PIEZO2: variants seen among roughly 807,000 people sequenced by gnomAD.
PIEZO2 encodes the protein piezo-type mechanosensitive ion channel component 2.
Under a neutral mutation model 337.3 loss-of-function variants are expected in PIEZO2, and 172 were observed. The observed-to-expected ratio is 0.51, with a 90% CI of 0.45 to 0.58. The LOEUF is 0.58. PIEZO2 is among the 20% of genes least tolerant of loss of function. PIEZO2 has a pLI of 0.00. For synonymous variants in PIEZO2, 1,251 were observed against 1,228.5 expected, an observed-to-expected ratio of 1.02 and a Z score of -0.38; for missense variants, 3,028 against 3,391.3, an observed-to-expected ratio of 0.89 and a Z score of 2.66.
chr18:10,804,887 C>G (rs1299683919), intron 8 of PIEZO2, among the ~76,000 whole-genome samples: 1 of 152,214 alleles, frequency 6.6e-6, no homozygotes, highest in Non-Finnish European at 1.5e-5. Flanking sequence ...CCGTCCCAGC[C>G]CATTTGAAAT....
In PIEZO2 at chr18:10,784,264, A is replaced by G. The variant is rs537434405; in HGVS notation, c.2492+520T>C. 9.8e-5 allele frequency among the ~76,000 whole-genome samples: 15 copies of G among 152,364 alleles called. No individual in the cohort carries two copies. In the South Asian group the frequency reaches 2.7e-3, roughly 27 times the overall value. On this transcript the variant is annotated intron_variant, in intron 17 of 55. Coordinates refer to ENST00000674853, the MANE Select transcript of PIEZO2 (RefSeq NM_001378183.1). The surrounding 1 kb of genome is among the most constrained non-coding windows in gnomAD (Gnocchi z 4.5). ...AAAACAGCCGTAAGCTGCTAAAAGAAGATATTGTCATCATGTTGTCCTCTT... is the reference window on the plus strand; with the variant it reads ...AAAACAGCCGTAAGCTGCTAAAAGAGGATATTGTCATCATGTTGTCCTCTT...
At chr18:10,728,101 A>T (rs1387938750) in intron 36 of PIEZO2, 1 of 152,676 alleles carries the variant, frequency 6.5e-6, no homozygotes, top group Non-Finnish European at 1.5e-5. Context: ...AAAATCGCCA[A>T]CAAAATGTGA....
chr18:10,735,371 C>A (rs1001244884), intron 34 of PIEZO2, among the ~76,000 whole-genome samples, 41 bp from the exon 35 acceptor site: 14 of 152,098 alleles, frequency 9.2e-5, no homozygotes, highest in African/African-American at 2.9e-4. Context: ...GTAGAAAAAA[C>A]CAAAAACTAG....
rs2144149568 is a variant in PIEZO2, at chr18:10,740,776, G to A, written c.4708+255C>T. ...TTCTGAGCCCATAAATTATGCCCTA[G>A]AGTCTATAAGCCACGTGTTTGGCTT... is the stretch of plus-strand genomic sequence containing the variant. On this transcript the variant is annotated intron_variant, in intron 33 of 55. Transcript: ENST00000674853. The A allele has an allele frequency of 1.1e-5, 7 of 622,270 alleles. No homozygotes were observed. In the East Asian group the frequency reaches 2.0e-4, roughly 17 times the overall value. The allele number at this position is 622,270 out of a possible 1,614,324, so 38.5% of individuals were successfully genotyped here.
intron 4 of PIEZO2, among the ~76,000 whole-genome samples, chr18:10,884,236 C>T (rs1359404049): frequency 1.3e-5 from 2 of 152,220 alleles, no homozygotes; most frequent in South Asian, 2.1e-4. Context: ...AGAGGATTTC[C>T]TTCCTTTTAT....
rs573951104 is a variant in PIEZO2, at chr18:10,867,656, T to C, written c.492+3597A>G. The stretch of plus-strand genomic sequence containing the variant: ...GGCTTAATAATACATTAAAATACTA[T>C]CTAAAAGAAAGGCCTCAAATCTCAT... On this transcript the variant is annotated intron_variant, in intron 5 of 55. Transcript: ENST00000674853. 2.9e-4 allele frequency among the ~76,000 whole-genome samples: 44 copies of C among 152,062 alleles called. 1 individual carries two copies. The highest frequency in any genetic ancestry group is 9.9e-4 in the African/African-American group (41 of 41,338).
chr18:11,023,712 G>A (rs996763536), intron 2 of PIEZO2, among the ~76,000 whole-genome samples: 8 of 152,198 alleles, frequency 5.3e-5, no homozygotes, highest in Admixed American at 1.3e-4. Flanking sequence ...GCGCTCGTCC[G>A]GGAGGCTAGG....
At chr18:10,704,797 G>T in intron 41 of PIEZO2, 145 bp from the exon 42 acceptor site, 1 of 984,196 alleles carries the variant, frequency 1.0e-6, no homozygotes, top group Non-Finnish European at 1.5e-6. Flanking sequence ...CCATTCTCCT[G>T]CTTCAGCCTC....
intron 4 of PIEZO2, among the ~76,000 whole-genome samples, chr18:10,901,261 T>C (rs936927923): frequency 6.6e-6 from 1 of 152,184 alleles, no homozygotes; most frequent in Non-Finnish European, 1.5e-5. Context: ...TAGGATAGAA[T>C]TGCTGCAAAT....
rs1318772920 is a variant in PIEZO2, at chr18:10,834,773, C to T, written c.917+20580G>A. ...AAAGGCAGGGTGCCTAGAACACCAG[C>T]CTCAGAAAGGCTCTTCCTTTAAGTT... On this transcript the variant is annotated intron_variant, in intron 7 of 55. Coordinates refer to ENST00000674853, the MANE Select transcript of PIEZO2 (RefSeq NM_001378183.1). The surrounding 1 kb of genome is among the most constrained non-coding windows in gnomAD (Gnocchi z 4.5). 6.6e-6 allele frequency among the ~76,000 whole-genome samples: 1 copy of T among 152,208 alleles called. No homozygotes were observed. The highest frequency in any genetic ancestry group is 1.9e-4 in the East Asian group (1 of 5,188).
At chr18:10,920,398 C>T (rs1408828703) in intron 3 of PIEZO2, among the ~76,000 whole-genome samples, 1 of 152,112 alleles carries the variant, frequency 6.6e-6, no homozygotes, top group African/African-American at 2.4e-5. Flanking sequence ...CTGAAAATTC[C>T]TGGCAATTAT....
In PIEZO2 at chr18:10,889,092, C is replaced by T. The variant is rs995909687; in HGVS notation, c.330-17677G>A. Among the ~76,000 whole-genome samples the T allele has an allele frequency of 2.0e-5, 3 of 152,270 alleles. No individual in the cohort carries two copies. The South Asian group carries it at 6.2e-4, about 32-fold the overall frequency. On this transcript the variant is annotated intron_variant, in intron 4 of 55. Transcript: ENST00000674853. ...TTTATTGATTCTTGGTAAAAAGAGG[C>T]TGAAAGAGAAGAGATGGAGAAGAGA...
intron 1 of PIEZO2, among the ~76,000 whole-genome samples, chr18:11,075,225 G>T (rs557921046): frequency 6.6e-6 from 1 of 152,274 alleles, no homozygotes; most frequent in South Asian, 2.1e-4. Context: ...GTACGCTGAA[G>T]CAATTGATTG....
chr18:10,763,909 G>A (rs187044649), intron 21 of PIEZO2, among the ~76,000 whole-genome samples: 23 of 152,252 alleles, frequency 1.5e-4, no homozygotes, highest in Middle Eastern at 3.4e-3. Context: ...TTGGTGGGCC[G>A]GTGGGTAAGA....
chr18:10,948,094 G>A (rs1345376900), intron 3 of PIEZO2, among the ~76,000 whole-genome samples: 1 of 152,078 alleles, frequency 6.6e-6, no homozygotes, highest in Non-Finnish European at 1.5e-5. Context: ...CACATTAAAT[G>A]GAAATGCTTT....
At position 10,846,526 on chromosome 18, in the gene PIEZO2, T is replaced by A. The variant is rs151136575; in HGVS notation, c.917+8827A>T. ...AAAAGAAGCTTGAACTAAGAGTTCCTGAGAGGCCAATGTATGTCAGCAGTG... is the reference window on the plus strand; with the variant it reads ...AAAAGAAGCTTGAACTAAGAGTTCCAGAGAGGCCAATGTATGTCAGCAGTG... On this transcript the variant is annotated intron_variant, in intron 7 of 55. Transcript: ENST00000674853. This position sits in a 1 kb window ranked among gnomAD's most constrained non-coding sequence, Gnocchi z 4.1. Among the ~76,000 whole-genome samples the A allele has an allele frequency of 3.1e-4, 47 of 152,300 alleles. No individual in the cohort carries two copies. Among genetic ancestry groups the A allele is most frequent in the African/African-American group, 8.7e-4 (36 of 41,580 alleles).
chr18:10,887,030 G>C (rs938360754), intron 4 of PIEZO2, among the ~76,000 whole-genome samples: 2 of 150,658 alleles, frequency 1.3e-5, no homozygotes, highest in Admixed American at 6.6e-5. Context: ...GAGCAAGAGA[G>C]ACGGAGAGTT....
intron 3 of PIEZO2, among the ~76,000 whole-genome samples, chr18:10,967,084 C>T (rs1248458081): frequency 7.9e-6 from 1 of 126,536 alleles, no homozygotes; most frequent in East Asian, 2.4e-4. Context: ...GTGGTGAGAT[C>T]TCGGCTCACT....
Position 10,993,540 on chromosome 18 carries a change from G to GTTGTTT in PIEZO2, c.161-13881_161-13880insAAACAA, listed in dbSNP as rs1270396932. 6.6e-6 allele frequency among the ~76,000 whole-genome samples: 1 copy of GTTGTTT among 150,748 alleles called. No individual in the cohort carries two copies. The highest frequency in any genetic ancestry group is 2.5e-5 in the African/African-American group (1 of 40,560). On this transcript the variant is annotated intron_variant, in intron 2 of 55. Coordinates refer to ENST00000674853, the MANE Select transcript of PIEZO2 (RefSeq NM_001378183.1). This position sits in a 1 kb window ranked among gnomAD's most constrained non-coding sequence, Gnocchi z 5.0. ...TGTTGTTGTTGTTGTTGTTGTTGTT[G>GTTGTTT]TTTTGAGGCGGAGTCTCGCTCTGTG...
Sources: gnomAD v4.1 joint callset for allele counts (sites outside exome capture counted in the v4.1 genomes callset) on GRCh38, gnomAD v4.1.1 for gene constraint, Gnocchi (gnomAD v3.1) non-coding constraint, MANE v1.5 for transcripts, NCBI Gene and HGNC (gene_info 2026-07-23, HGNC 2026-07-21) for gene names.